Variants in ITSN1 observed in about 807,000 individuals in gnomAD.
ITSN1 encodes the protein intersectin-1.
In ITSN1, 58 loss-of-function variants were observed where a neutral mutation model predicts 239.8. That is an observed-to-expected ratio of 0.24 (90% CI 0.20 to 0.30). ITSN1 has a LOEUF of 0.30. Among genes scored for constraint, ITSN1 ranks in the 10% least tolerant of loss-of-function variants. The pLI, the probability that ITSN1 is intolerant of heterozygous loss-of-function variation, is 1.00. For synonymous variants in ITSN1, 780 were observed against 770.8 expected (o/e 1.01, Z -0.20); for missense variants, 1,558 against 2,103.3 (o/e 0.74, Z 5.07).
intron 1 of ITSN1, among the ~76,000 whole-genome samples, chr21:33,663,312 A>C (rs753218220): frequency 6.6e-6 from 1 of 152,224 alleles, no homozygotes; most frequent in Non-Finnish European, 1.5e-5. Context: ...TATAAGATCT[A>C]TTTTTTAGAT....
intron 32 of ITSN1, among the ~76,000 whole-genome samples, chr21:33,866,146 G>C (rs374016388): frequency 6.6e-6 from 1 of 151,080 alleles, no homozygotes; most frequent in East Asian, 1.9e-4. Flanking sequence ...AGTGGTGCTT[G>C]TGGAATCACT....
At chr21:33,749,874 T>C (rs1348122260) in intron 5 of ITSN1, among the ~76,000 whole-genome samples, 2 of 152,164 alleles carry the variant, frequency 1.3e-5, no homozygotes, top group African/African-American at 4.8e-5. Flanking sequence ...ATGGATTTAA[T>C]TATATTTGAG....
chr21:33,683,752 C>T (rs1477993254), intron 1 of ITSN1, among the ~76,000 whole-genome samples: 3 of 152,138 alleles, frequency 2.0e-5, no homozygotes, highest in Non-Finnish European at 4.4e-5. Context: ...GTGCTTAATG[C>T]AGTTTCCAAA....
chr21:33,813,832 T>C (rs2073084703), intron 21 of ITSN1, 81 bp from the exon 22 acceptor site: 1 of 1,304,664 alleles, frequency 7.7e-7, no homozygotes, highest in African/African-American at 1.5e-5. Flanking sequence ...GCTTTTTTTT[T>C]TTTTTGGTAC....
intron 16 of ITSN1, among the ~76,000 whole-genome samples, chr21:33,789,809 C>T (rs2070965584): frequency 6.6e-6 from 1 of 152,158 alleles, no homozygotes; most frequent in Non-Finnish European, 1.5e-5. Flanking sequence ...CTTCAGTAAA[C>T]CTGAGCCACA....
At chr21:33,740,645 C>A (rs2066787973) in intron 5 of ITSN1, among the ~76,000 whole-genome samples, 1 of 152,160 alleles carries the variant, frequency 6.6e-6, no homozygotes, top group South Asian at 2.1e-4. Flanking sequence ...AGAATTAAGA[C>A]TTACACAGGA....
At chr21:33,730,509 C>T (rs912567530) in intron 4 of ITSN1, among the ~76,000 whole-genome samples, 1 of 143,960 alleles carries the variant, frequency 6.9e-6, no homozygotes, top group African/African-American at 2.6e-5. Context: ...TTAAGCAACT[C>T]TCTGCCTCAG....
rs146811195 is a variant in ITSN1, at chr21:33,814,354, T to C, written c.2727+282T>C. 7.4e-3 allele frequency: 2,669 copies of C among 360,130 alleles called. 76 individuals carry two copies. The highest frequency in any genetic ancestry group is 0.05 in the African/African-American group (2,479 of 49,452). 22.3% of individuals were successfully genotyped at this position (360,130 alleles called of 1,614,324 possible). On this transcript the variant is annotated intron_variant, in intron 22 of 39. Coordinates refer to ENST00000381318, the MANE Select transcript of ITSN1 (RefSeq NM_003024.3). ...GCATCTTGACCAGTGGGTAAGATCT[T>C]ACTAGAAAATGGAGAGAGCCTGCCT... is the stretch of plus-strand genomic sequence containing the variant.
intron 24 of ITSN1, 87 bp from the exon 25 acceptor site, chr21:33,823,400 T>G: frequency 8.3e-7 from 1 of 1,207,738 alleles, no homozygotes. Context: ...CCTAACTTCC[T>G]TATTCGTAAA....
At chr21:33,659,889 T>TA (rs199548218) in intron 1 of ITSN1, among the ~76,000 whole-genome samples, 3 of 150,968 alleles carry the variant, frequency 2.0e-5, no homozygotes, top group South Asian at 2.1e-4. Flanking sequence ...CTGGCTAATT[T>TA]AAAAAAAAAT....
At chr21:33,688,766 G>A (rs1313635419) in intron 1 of ITSN1, among the ~76,000 whole-genome samples, 2 of 151,912 alleles carry the variant, frequency 1.3e-5, no homozygotes, top group Admixed American at 6.6e-5. Flanking sequence ...TTCTGCAAAG[G>A]ATAAATTCAG....
chr21:33,796,935 GTTGAA>G (rs750316281), intron 17 of ITSN1, among the ~76,000 whole-genome samples: 6 of 152,178 alleles, frequency 3.9e-5, no homozygotes, highest in Non-Finnish European at 7.3e-5. Context: ...AATCAAAGTA[GTTGAA>G]GTCAATAAAA....
At chr21:33,866,019 A>G (rs760196918) in intron 32 of ITSN1, among the ~76,000 whole-genome samples, 1 of 152,222 alleles carries the variant, frequency 6.6e-6, no homozygotes, top group African/African-American at 2.4e-5. Context: ...GGAGGAAGAG[A>G]ATAAAATAGC....
At chr21:33,783,708 T>A (rs74666770) in intron 16 of ITSN1, among the ~76,000 whole-genome samples, 4 of 144,214 alleles carry the variant, frequency 2.8e-5, no homozygotes, top group African/African-American at 5.2e-5. Flanking sequence ...AAAAAAAAAA[T>A]AGCACTGTTG....
chr21:33,742,655 C>T (rs2066935121), intron 5 of ITSN1, among the ~76,000 whole-genome samples: 1 of 152,096 alleles, frequency 6.6e-6, no homozygotes, highest in Non-Finnish European at 1.5e-5. Context: ...GCCCAACAAG[C>T]CTTCCTTTTG....
chr21:33,710,830 G>A (rs1194816535), intron 1 of ITSN1, among the ~76,000 whole-genome samples: 6 of 148,442 alleles, frequency 4.0e-5, no homozygotes, highest in East Asian at 2.0e-4. Flanking sequence ...CTTTTGAGAC[G>A]GAGTCTTGCT....
At chr21:33,830,607 G>T (rs1322158284) in intron 27 of ITSN1, among the ~76,000 whole-genome samples, 1 of 152,106 alleles carries the variant, frequency 6.6e-6, no homozygotes, top group Non-Finnish European at 1.5e-5. Context: ...CTAAAGAGGC[G>T]TGAGGACTGG....
intron 1 of ITSN1, among the ~76,000 whole-genome samples, chr21:33,650,987 G>A (rs1450366398): frequency 2.6e-5 from 4 of 151,694 alleles, no homozygotes; most frequent in Non-Finnish European, 5.9e-5. Flanking sequence ...ACTTGGTAGC[G>A]GGGTTACCAG....
intron 10 of ITSN1, 74 bp from the exon 11 acceptor site, chr21:33,767,639 C>T: frequency 1.3e-5 from 9 of 697,860 alleles, no homozygotes; most frequent in East Asian, 2.9e-5. Context: ...TTTAAAAATC[C>T]TTCTTCATAA....
Sources: gnomAD v4.1 joint callset for allele counts (sites outside exome capture counted in the v4.1 genomes callset) on GRCh38, gnomAD v4.1.1 for gene constraint, MANE v1.5 for transcripts, NCBI Gene and HGNC (gene_info 2026-07-23, HGNC 2026-07-21) for gene names.